The following ASAH1 variants were observed in gnomAD, a reference collection of about 807,000 sequenced individuals.
ASAH1 encodes the protein N-acylsphingosine amidohydrolase 1.
ASAH1 carries 70 observed loss-of-function variants against 59.5 expected under a neutral mutation model. The ratio of observed to expected loss-of-function variants is 1.18; its 90% CI spans 0.97 to 1.43. The LOEUF is 1.43. Ranked by LOEUF, ASAH1 falls within the 40% of genes most tolerant of loss-of-function variation. The pLI is 0.00. For synonymous variants in ASAH1, 213 were observed against 166.5 expected (o/e 1.28, Z -2.15); for missense variants, 660 against 482.5 (o/e 1.37, Z -3.45).
chr8:18,062,194 C>T, intron 8 of ASAH1, 85 bp downstream of exon 8: 2 of 1,573,648 alleles, frequency 1.3e-6, no homozygotes, highest in South Asian at 1.1e-5. Context: ...CCCTTTAGGT[C>T]CTCATATTCT....
rs1564537598 is a variant in ASAH1, at chr8:18,061,687, CA to C, written c.701del (p.Leu234ArgfsTer4). On this transcript the variant is annotated frameshift_variant and splice_region_variant, in exon 9 of 14. Coordinates refer to ENST00000637790, the MANE Select transcript of ASAH1 (RefSeq NM_177924.5). LOFTEE classifies it high-confidence loss of function. ...NERFSINGGY[L>X]GILEWILGKK... is the part of the protein sequence containing the mutation. ...TTCACTTGAGAATGCTCTACTTACC[CA>C]GATAACCACCATTTATACTGAAACG... 2 of 1,585,950 alleles carry C rather than the reference CA, an allele frequency of 1.3e-6. No individual in the cohort carries two copies. Among genetic ancestry groups the C allele is most frequent in the Non-Finnish European group, 1.7e-6 (2 of 1,164,114 alleles).
rs1462406757 is a variant in ASAH1, at chr8:18,073,220, G to A, written c.126-1830C>T. ...AAACATTTCAGTATTTAACTTGTGC[G>A]CCTCCATTTCCCCATAAGAATAAAA... On this transcript the variant is annotated intron_variant, in intron 2 of 13. Coordinates refer to ENST00000637790, the MANE Select transcript of ASAH1 (RefSeq NM_177924.5). The A allele has an allele frequency of 6.5e-6, 10 of 1,537,360 alleles. No homozygotes were observed. The Admixed American group carries it at 7.2e-5, about 11-fold the overall frequency.
Position 18,084,012 on chromosome 8 carries a change from A to G in ASAH1, c.47T>C (p.Val16Ala), listed in dbSNP as rs1800779423. The G allele has an allele frequency of 1.9e-6, 3 of 1,598,208 alleles. No individual in the cohort carries two copies. In the South Asian group the frequency reaches 3.3e-5, roughly 18 times the overall value. ...CGCGTGCTGCGCGACGGCACAGCTG[A>G]CGGCGGCAGCCAGGAGGACTAAGGC... ...CVALVLLAAAVSCAVAQHAPP... is the reference protein window; with the variant it reads ...CVALVLLAAAASCAVAQHAPP... Residue 16 changes from valine to alanine, a missense_variant, in exon 1 of 14, where the codon GTC (valine) becomes GCC (alanine). Physicochemically the swap from Val to Ala is moderately conservative, Grantham distance 64. Coordinates refer to ENST00000637790, the MANE Select transcript of ASAH1 (RefSeq NM_177924.5).
At chr8:18,058,951 C>G in intron 12 of ASAH1, 60 bp from the exon 13 acceptor site, 1 of 1,446,892 alleles carries the variant, frequency 6.9e-7, no homozygotes, top group South Asian at 1.1e-5. Context: ...ACAGCCTTAT[C>G]TACACACATG....
intron 4 of ASAH1, chr8:18,068,799 A>T (rs1416798713): frequency 2.0e-5 from 3 of 152,470 alleles, no homozygotes; most frequent in African/African-American, 7.3e-5. Context: ...CAGGCCGGGC[A>T]TCCTGGAATG....
At chr8:18,077,397 G>A (rs2117084603) in intron 1 of ASAH1, among the ~76,000 whole-genome samples, 1 of 152,212 alleles carries the variant, frequency 6.6e-6, no homozygotes, top group South Asian at 2.1e-4. Context: ...ATAGATCTTA[G>A]CAGATTCCAT....
At chr8:18,058,916 T>C in intron 12 of ASAH1, 25 bp from the exon 13 acceptor site, 2 of 1,596,276 alleles carry the variant, frequency 1.3e-6, no homozygotes, top group South Asian at 1.1e-5. Context: ...AATAGTTTTG[T>C]TCAGTAAGTT....
At chr8:18,082,364 A>G (rs1480554290) in intron 1 of ASAH1, among the ~76,000 whole-genome samples, 1 of 152,190 alleles carries the variant, frequency 6.6e-6, no homozygotes, top group Non-Finnish European at 1.5e-5. Context: ...ATATTATTAC[A>G]AGCCGATCTG....
intron 5 of ASAH1, chr8:18,065,562 A>G (rs1799896154): frequency 6.6e-6 from 1 of 152,178 alleles, no homozygotes; most frequent in South Asian, 2.1e-4. Flanking sequence ...GTTACATGCC[A>G]TAAAGCTTAA....
chr8:18,084,162 G>C (rs546277660), upstream of ASAH1: 280 of 1,556,732 alleles, frequency 1.8e-4, 1 homozygote, highest in African/African-American at 3.0e-3. Context: ...CCCGCGACCT[G>C]GGACCGCACC....
rs1274206842 is a variant in ASAH1, at chr8:18,061,317, ATTTTTT to A, written c.785+54_785+59del. 1.2e-5 allele frequency: 16 copies of A among 1,385,198 alleles called. No individual in the cohort carries two copies. The Admixed American group carries it at 3.0e-4, about 26-fold the overall frequency. 85.8% of individuals were successfully genotyped at this position (1,385,198 alleles called of 1,614,324 possible). On this transcript the variant is annotated intron_variant, in intron 10 of 13. Coordinates refer to ENST00000637790, the MANE Select transcript of ASAH1 (RefSeq NM_177924.5). ...AAGCTGGAGCTTGACAAATATTTTT[ATTTTTT>A]AATATGAGTAATTTAAAATAAATAT...
chr8:18,067,148 T>TGTAA, intron 5 of ASAH1, 72 bp downstream of exon 5: 2 of 1,345,850 alleles, frequency 1.5e-6, no homozygotes, highest in Non-Finnish European at 2.1e-6. Context: ...GCTGTATGTA[T>TGTAA]ATCACACCTC....
upstream of ASAH1, chr8:18,084,125 G>T (rs1800788621): frequency 6.3e-7 from 1 of 1,583,196 alleles, no homozygotes. Context: ...TGGGCCGGGG[G>T]CAGGCCACGC....
At chr8:18,064,643 G>T in intron 5 of ASAH1, 112 bp from the exon 6 acceptor site, 1 of 707,574 alleles carries the variant, frequency 1.4e-6, no homozygotes, top group Non-Finnish European at 2.5e-6. Flanking sequence ...GCTTTGGCCA[G>T]TGGGGCTGTG....
intron 1 of ASAH1, among the ~76,000 whole-genome samples, chr8:18,080,571 T>C (rs557820595): frequency 1.3e-5 from 2 of 152,308 alleles, no homozygotes; most frequent in South Asian, 4.1e-4. Flanking sequence ...TTTGTTTTTG[T>C]TTTCTGTGAC....
chr8:18,062,865 GTTCTTTT>G (rs1485466470), intron 7 of ASAH1: 60 of 282,212 alleles, frequency 2.1e-4, no homozygotes, highest in South Asian at 1.7e-3. Flanking sequence ...ACAGTTCTGT[GTTCTTTT>G]TTTTTTTTTT....
upstream of ASAH1, chr8:18,084,424 G>A (rs958219973): frequency 7.2e-7 from 1 of 1,380,370 alleles, no homozygotes; most frequent in South Asian, 1.5e-5. Flanking sequence ...GCCTCGATGG[G>A]GCGCCTCTAG....
rs1412333581 is a variant in ASAH1, at chr8:18,083,990, G to T, written c.69C>A (p.His23Gln). The T allele has an allele frequency of 2.4e-5, 38 of 1,597,922 alleles. No individual in the cohort carries two copies. Among genetic ancestry groups the T allele is most frequent in the Non-Finnish European group, 3.1e-5 (37 of 1,179,402 alleles). ...AAAVSCAVAQ[H>Q]APPWTEDCRK... ...GCTCAAGCTCACTCACCGGCGGCGC[G>T]TGCTGCGCGACGGCACAGCTGACGG... The change falls in exon 1 of 14, where the codon CAC becomes CAA. Residue 23 changes from histidine (H) to glutamine (Q), a missense_variant. Coordinates refer to ENST00000637790, the MANE Select transcript of ASAH1 (RefSeq NM_177924.5).
chr8:18,061,573 T>C lies in ASAH1; in HGVS notation c.703+113A>G, dbSNP rs564246626. On this transcript the variant is annotated intron_variant, in intron 9 of 13. Transcript: ENST00000637790. ...TCAGGAACCAGAAGAGGTTAGACTTTGTAACCAGTCGGGAACCGGAAGAGG... is the reference window on the plus strand; with the variant it reads ...TCAGGAACCAGAAGAGGTTAGACTTCGTAACCAGTCGGGAACCGGAAGAGG... 111 of 1,462,554 alleles carry C rather than the reference T, an allele frequency of 7.6e-5. 1 individual carries two copies. Among genetic ancestry groups the C allele is most frequent in the African/African-American group, 6.3e-4 (45 of 71,920 alleles). The allele number at this position is 1,462,554 out of a possible 1,614,324, so 90.6% of individuals were successfully genotyped here.
Sources: gnomAD v4.1 joint callset for allele counts (sites outside exome capture counted in the v4.1 genomes callset) on GRCh38, gnomAD v4.1.1 for gene constraint, MANE v1.5 for transcripts, NCBI Gene and HGNC (gene_info 2026-07-23, HGNC 2026-07-21) for gene names.